Variants in ERC2 observed in about 807,000 individuals in gnomAD.
The protein encoded by ERC2 is ELKS/RAB6-interacting/CAST family member 2.
A neutral mutation model predicts 114.8 loss-of-function variants in ERC2; 42 were observed. The observed-to-expected ratio is 0.37, with a 90% CI of 0.29 to 0.47. The LOEUF (loss-of-function observed/expected upper bound fraction) is 0.47, where lower values mean the gene tolerates loss of function less well. Among genes scored for constraint, ERC2 ranks in the 20% least tolerant of loss-of-function variants. The pLI is 0.99. For missense variants in ERC2, 939 were observed against 1,150.7 expected, an observed-to-expected ratio of 0.82 and a Z score of 2.66; for synonymous variants, 454 against 425.5, an observed-to-expected ratio of 1.07 and a Z score of -0.82.
At chr3:55,589,779 T>C (rs1441596117) in intron 17 of ERC2, among the ~76,000 whole-genome samples, 2 of 152,066 alleles carry the variant, frequency 1.3e-5, no homozygotes, top group Non-Finnish European at 2.9e-5. Flanking sequence ...GAGGCAAGCC[T>C]CATTAGTCAG....
At chr3:56,098,416 G>A (rs1433027589) in intron 6 of ERC2, among the ~76,000 whole-genome samples, 3 of 152,042 alleles carry the variant, frequency 2.0e-5, no homozygotes, top group Admixed American at 6.5e-5. Flanking sequence ...ATCCTGCCAG[G>A]AAGGACATAA....
At chr3:55,679,330 C>T (rs1465036014) in intron 17 of ERC2, among the ~76,000 whole-genome samples, 1 of 152,168 alleles carries the variant, frequency 6.6e-6, no homozygotes, top group Non-Finnish European at 1.5e-5. Context: ...TCCTGACTCT[C>T]CCCTTTTAAG....
At chr3:56,378,890 G>A (rs1197019990) in intron 2 of ERC2, among the ~76,000 whole-genome samples, 1 of 152,098 alleles carries the variant, frequency 6.6e-6, no homozygotes, top group Non-Finnish European at 1.5e-5. Flanking sequence ...AGTTAGCCCT[G>A]CACAGTCCAA....
intron 13 of ERC2, among the ~76,000 whole-genome samples, chr3:55,889,521 C>G (rs888149933): frequency 3.3e-5 from 5 of 152,114 alleles, no homozygotes; most frequent in African/African-American, 1.2e-4. Context: ...GACCCAGGAG[C>G]CCTGAGGCAA....
At chr3:55,578,704 G>C (rs1378307153) in intron 17 of ERC2, among the ~76,000 whole-genome samples, 1 of 152,200 alleles carries the variant, frequency 6.6e-6, no homozygotes, top group Non-Finnish European at 1.5e-5. Flanking sequence ...CCACAGGTCA[G>C]TTGGGTGATA....
chr3:56,129,495 G>C (rs2080077819), intron 6 of ERC2, among the ~76,000 whole-genome samples: 1 of 152,086 alleles, frequency 6.6e-6, no homozygotes, highest in South Asian at 2.1e-4. Context: ...TGTGAACTCG[G>C]GGGTCAGTAA....
At chr3:55,746,781 T>C (rs2066336207) in intron 14 of ERC2, among the ~76,000 whole-genome samples, 1 of 152,178 alleles carries the variant, frequency 6.6e-6, no homozygotes, top group Non-Finnish European at 1.5e-5. Context: ...CAGATTCCCA[T>C]CTGTTTATCA....
chr3:55,957,058 C>T lies in ERC2; in HGVS notation c.2268-6498G>A, dbSNP rs147849264. On this transcript the variant is annotated intron_variant, in intron 12 of 17. Coordinates refer to ENST00000288221, the MANE Select transcript of ERC2 (RefSeq NM_015576.3). ...CCAGGCCAGCAGGACACACCAAGAA[C>T]ATGATAACATAGCATAAGATAGCTA... Among the ~76,000 whole-genome samples the T allele has an allele frequency of 6.1e-3, 932 of 152,200 alleles. 15 individuals are homozygous for T. The highest frequency in any genetic ancestry group is 0.022 in the African/African-American group (895 of 41,524).
intron 14 of ERC2, among the ~76,000 whole-genome samples, chr3:55,852,112 CA>C (rs1198805002): frequency 2.0e-5 from 3 of 152,120 alleles, no homozygotes; most frequent in African/African-American, 7.2e-5. Flanking sequence ...CCCAGCTACT[CA>C]GGAGGCTGAG....
intron 8 of ERC2, among the ~76,000 whole-genome samples, chr3:56,013,918 G>A (rs1050418315): frequency 2.0e-5 from 3 of 152,128 alleles, no homozygotes; most frequent in African/African-American, 7.2e-5. Context: ...AAGGTTTGAT[G>A]CATACTGGAA....
At chr3:56,463,869 G>A (rs9812701) in intron 1 of ERC2, among the ~76,000 whole-genome samples, 126,804 of 152,196 alleles carry the variant, frequency 0.83, 53,107 homozygotes, top group East Asian at 0.92. Context: ...GTTTCATGGT[G>A]GCAGGACCCA....
At chr3:56,300,876 G>A (rs888719311) in intron 2 of ERC2, among the ~76,000 whole-genome samples, 3 of 152,218 alleles carry the variant, frequency 2.0e-5, no homozygotes, top group Non-Finnish European at 4.4e-5. Flanking sequence ...GATGGCAGGA[G>A]AAAAGGATGG....
At chr3:55,605,172 G>A (rs747792358) in intron 17 of ERC2, among the ~76,000 whole-genome samples, 1 of 152,074 alleles carries the variant, frequency 6.6e-6, no homozygotes, top group Non-Finnish European at 1.5e-5. Context: ...CTGGGCTGCA[G>A]TGGCATGATC....
In ERC2 at chr3:55,616,089, T is replaced by C. The variant is rs368432726; in HGVS notation, c.*39+67705A>G. Among the ~76,000 whole-genome samples the C allele has an allele frequency of 1.7e-3, 255 of 152,322 alleles. 1 individual carries two copies. Among genetic ancestry groups the C allele is most frequent in the Middle Eastern group, 3.4e-3 (1 of 294 alleles). On this transcript the variant is annotated intron_variant, in intron 17 of 17. Coordinates refer to ENST00000288221, the MANE Select transcript of ERC2 (RefSeq NM_015576.3). ...TCCCAGGCCATCCTCCTGGGTCTTA[T>C]AGGATGTCCTTAATCAGAACCACAT...
At chr3:56,328,524 C>T (rs1030338326) in intron 2 of ERC2, among the ~76,000 whole-genome samples, 14 of 151,972 alleles carry the variant, frequency 9.2e-5, no homozygotes, top group South Asian at 2.1e-4. Context: ...AAGGTACAAA[C>T]GGGTATTTTT....
chr3:56,246,060 C>T (rs946785858), intron 3 of ERC2, among the ~76,000 whole-genome samples: 1 of 139,656 alleles, frequency 7.2e-6, no homozygotes, highest in East Asian at 2.1e-4. Context: ...AGTGATATTT[C>T]TTCCCTAATC....
chr3:56,181,343 A>G (rs940036966), intron 3 of ERC2, among the ~76,000 whole-genome samples: 1 of 152,172 alleles, frequency 6.6e-6, no homozygotes, highest in Non-Finnish European at 1.5e-5. Context: ...AATCCAGCCC[A>G]CCATCTCTTC....
intron 3 of ERC2, among the ~76,000 whole-genome samples, chr3:56,258,725 T>C (rs777914034): frequency 6.6e-6 from 1 of 152,196 alleles, no homozygotes; most frequent in African/African-American, 2.4e-5. Flanking sequence ...ATTTGGCCCA[T>C]GGGCTGTAGT....
At chr3:55,598,096 C>T (rs192325873) in intron 17 of ERC2, among the ~76,000 whole-genome samples, 3 of 152,240 alleles carry the variant, frequency 2.0e-5, no homozygotes, top group East Asian at 1.9e-4. Flanking sequence ...ACCTATTATG[C>T]GTGGAGGCTG....
Sources: allele counts gnomAD v4.1 joint callset (sites outside exome capture counted in the v4.1 genomes callset), GRCh38; gene constraint gnomAD v4.1.1; transcripts MANE v1.5; gene names NCBI Gene and HGNC (gene_info 2026-07-23, HGNC 2026-07-21).